Variants in RPAP2 observed in about 807,000 individuals in gnomAD.
RPAP2 encodes putative RNA polymerase II subunit B1 CTD phosphatase RPAP2.
A neutral mutation model predicts 73.1 loss-of-function variants in RPAP2; 52 were observed. The ratio of observed to expected loss-of-function variants is 0.71; its 90% CI spans 0.57 to 0.90. The LOEUF (loss-of-function observed/expected upper bound fraction) is 0.90. RPAP2 is among the 40% of genes least tolerant of loss of function. RPAP2 has a pLI of 0.00. For missense variants in RPAP2, 598 were observed against 701.8 expected, an observed-to-expected ratio of 0.85 and a Z score of 1.67; for synonymous variants, 225 against 242.1, an observed-to-expected ratio of 0.93 and a Z score of 0.65.
intron 9 of RPAP2, 58 bp downstream of exon 9, chr1:92,333,531 A>T (rs1653098878): frequency 1.7e-6 from 2 of 1,157,232 alleles, no homozygotes; most frequent in Non-Finnish European, 2.6e-6. Context: ...TTGACATTTA[A>T]GCTCATAATG....
At chr1:92,308,892 G>A (rs865909598) in intron 6 of RPAP2, among the ~76,000 whole-genome samples, 1 of 152,000 alleles carries the variant, frequency 6.6e-6, no homozygotes, top group Admixed American at 6.6e-5. Context: ...CCTGGGAGGC[G>A]GAGGTTGCAG....
intron 6 of RPAP2, among the ~76,000 whole-genome samples, chr1:92,312,470 C>G (rs1418103824): frequency 6.6e-6 from 1 of 151,926 alleles, no homozygotes; most frequent in African/African-American, 2.4e-5. Flanking sequence ...TGCTGCTTAT[C>G]AGCTAAGTTT....
intron 7 of RPAP2, among the ~76,000 whole-genome samples, chr1:92,322,279 G>T (rs1261343257): frequency 6.6e-6 from 1 of 150,706 alleles, no homozygotes; most frequent in African/African-American, 2.4e-5. Context: ...TTTTAAAAAG[G>T]TCAGCCAGTA....
rs1433205940 is a variant in RPAP2 at position 92,380,759 on chromosome 1, A to C, written c.1724A>C (p.Gln575Pro). The C allele has an allele frequency of 1.0e-5, 16 of 1,589,546 alleles. No homozygotes were observed. Among genetic ancestry groups the C allele is most frequent in the Non-Finnish European group, 1.4e-5 (16 of 1,172,906 alleles). The change falls in exon 12 of 13, where the codon CAG becomes CCG. Residue 575 changes from glutamine (Q) to proline (P), a missense_variant. By Grantham distance (76) the Gln-to-Pro change is moderately conservative. Transcript: ENST00000610020. The stretch of plus-strand genomic sequence containing the variant: ...ATTCTTGGCATTCAGAAACATTCTC[A>C]GGAAGGTATGGTGTTTACACGGTTT... ...TPILGIQKHSQEGMVFTRFLD... is the reference protein window; with the variant it reads ...TPILGIQKHSPEGMVFTRFLD...
At chr1:92,315,539 C>T (rs1317389418) in intron 6 of RPAP2, among the ~76,000 whole-genome samples, 2 of 152,134 alleles carry the variant, frequency 1.3e-5, no homozygotes, top group Non-Finnish European at 2.9e-5. Flanking sequence ...AAGGAAAGCA[C>T]AGTTAAACAA....
chr1:92,324,161 C>G lies in RPAP2; in HGVS notation c.1241C>G (p.Ser414Ter). 15 of 1,614,122 alleles carry G rather than the reference C, an allele frequency of 9.3e-6. No individual in the cohort carries two copies. Among genetic ancestry groups the G allele is most frequent in the Non-Finnish European group, 1.2e-5 (14 of 1,180,004 alleles). ...GAACTTGATGAAGATGACATAATCT[C>G]AGATCCAGATAGTCATTTCCCTGCC... ...KEELDEDDII[S>*]DPDSHFPAWR... Residue 414 changes from serine (S) to a stop codon, truncating the protein, a stop_gained, in exon 8 of 13, where the codon TCA becomes TGA. Coordinates refer to ENST00000610020, the MANE Select transcript of RPAP2 (RefSeq NM_024813.3). LOFTEE classifies it high-confidence loss of function.
intron 12 of RPAP2, among the ~76,000 whole-genome samples, 160 bp from the exon 13 acceptor site, chr1:92,386,851 C>A (rs1655882256): frequency 6.6e-6 from 1 of 152,078 alleles, no homozygotes. Context: ...CAGGTGCATG[C>A]CACCATGCCT....
intron 11 of RPAP2, among the ~76,000 whole-genome samples, chr1:92,364,940 C>T (rs1371836234): frequency 6.6e-6 from 1 of 152,180 alleles, no homozygotes; most frequent in Non-Finnish European, 1.5e-5. Flanking sequence ...AAATTCAAGG[C>T]CCTTCAGAAG....
chr1:92,336,482 C>A, intron 10 of RPAP2, 55 bp downstream of exon 10: 2 of 1,197,374 alleles, frequency 1.7e-6, no homozygotes, highest in Admixed American at 1.8e-5. Context: ...TATTTATTGC[C>A]TTGCAGAATC....
rs1656183636 is a variant in RPAP2, at chr1:92,396,395, G to C, written c.*9384G>C. On this transcript the variant is annotated 3_prime_UTR_variant, in exon 13 of 13. Transcript: ENST00000610020. Reference sequence around the variant, plus strand: ...CTTTAAATGATATATGTATACAATGGAGTAGTGATATAGGCTACAATATGG... The same window carrying C: ...CTTTAAATGATATATGTATACAATGCAGTAGTGATATAGGCTACAATATGG... 6.6e-6 allele frequency: 1 copy of C among 151,704 alleles called. No homozygotes were observed. Among genetic ancestry groups the C allele is most frequent in the South Asian group, 2.1e-4 (1 of 4,796 alleles). 9.4% of individuals were successfully genotyped at this position (151,704 alleles called of 1,614,324 possible).
In RPAP2 at chr1:92,400,870, C is replaced by T. The variant is rs1430890826; in HGVS notation, c.*13859C>T. 6.6e-6 allele frequency: 1 copy of T among 152,214 alleles called. No homozygotes were observed. The highest frequency in any genetic ancestry group is 1.5e-5 in the Non-Finnish European group (1 of 68,070). 9.4% of individuals were successfully genotyped at this position (152,214 alleles called of 1,614,324 possible). A position where few individuals can be genotyped will look rare whatever the true frequency, so the allele number is the denominator to read the frequency against. ...CATTGCTATAAGGAAATACCCCAGA[C>T]TGGGTAATTTATAAAGGAAAGAGTT... On this transcript the variant is annotated 3_prime_UTR_variant, in exon 13 of 13. Coordinates refer to ENST00000610020, the MANE Select transcript of RPAP2 (RefSeq NM_024813.3).
chr1:92,364,877 C>A (rs923599761), intron 11 of RPAP2, among the ~76,000 whole-genome samples: 7 of 152,136 alleles, frequency 4.6e-5, no homozygotes, highest in Admixed American at 1.3e-4. Flanking sequence ...TCAAGGCAGG[C>A]CTTTGTTCAG....
In RPAP2 at chr1:92,301,513, G is replaced by T. The variant is rs1650856800; in HGVS notation, c.157G>T (p.Glu53Ter). 1.9e-6 allele frequency: 3 copies of T among 1,595,512 alleles called. No individual in the cohort carries two copies. The highest frequency in any genetic ancestry group is 1.7e-4 in the Middle Eastern group (1 of 6,026). The change falls in exon 3 of 13, where the codon GAA (glutamate) becomes TAA (stop). Residue 53 changes from glutamate to a stop codon, truncating the protein, a stop_gained. Coordinates refer to ENST00000610020, the MANE Select transcript of RPAP2 (RefSeq NM_024813.3). LOFTEE classifies it high-confidence loss of function. ...ELEAAVRKKI[E>*]FERKALHIVE... ...AGAAGCAGCTGTGAGAAAGAAGATT[G>T]AATTTGAGAGAAAAGCTCTACATAT...
chr1:92,372,765 C>T lies in RPAP2; in HGVS notation c.1689-7959C>T, dbSNP rs116312855. On this transcript the variant is annotated intron_variant, in intron 11 of 12. Transcript: ENST00000610020. ...ACTAAAAAAATTTTTTTAAAGTAGC[C>T]GGGTATGGTGGCACATGCCTGTAGT... is the stretch of plus-strand genomic sequence containing the variant. 1.4e-4 allele frequency among the ~76,000 whole-genome samples: 22 copies of T among 152,024 alleles called. 1 individual carries two copies. Among genetic ancestry groups the T allele is most frequent in the African/African-American group, 4.1e-4 (17 of 41,478 alleles).
At chr1:92,366,481 T>C (rs982043557) in intron 11 of RPAP2, among the ~76,000 whole-genome samples, 5 of 152,262 alleles carry the variant, frequency 3.3e-5, no homozygotes, top group African/African-American at 1.2e-4. Context: ...AAACAAAAAC[T>C]CTTCAACAGG....
chr1:92,333,875 C>T (rs1384395995), intron 9 of RPAP2, among the ~76,000 whole-genome samples: 1 of 152,216 alleles, frequency 6.6e-6, no homozygotes, highest in Admixed American at 6.5e-5. Flanking sequence ...AGTCACTCTG[C>T]ATGCATATCC....
intron 11 of RPAP2, among the ~76,000 whole-genome samples, chr1:92,372,884 C>T (rs1655210972): frequency 6.6e-6 from 1 of 152,222 alleles, no homozygotes; most frequent in Admixed American, 6.5e-5. Flanking sequence ...CACTGCACTA[C>T]AGCCAGAGTG....
chr1:92,336,051 C>T (rs536934618), intron 9 of RPAP2, among the ~76,000 whole-genome samples: 1 of 152,086 alleles, frequency 6.6e-6, no homozygotes, highest in Non-Finnish European at 1.5e-5. Flanking sequence ...CCATCTTGGT[C>T]TAATATTTGA....
At chr1:92,325,492 AT>A (rs1290335237) in intron 8 of RPAP2, among the ~76,000 whole-genome samples, 1 of 152,160 alleles carries the variant, frequency 6.6e-6, no homozygotes, top group Non-Finnish European at 1.5e-5. Context: ...CACTTATTTT[AT>A]CATTTTGTCC....
Sources: allele counts gnomAD v4.1 joint callset (sites outside exome capture counted in the v4.1 genomes callset), GRCh38; gene constraint gnomAD v4.1.1; transcripts MANE v1.5; gene names NCBI Gene and HGNC (gene_info 2026-07-23, HGNC 2026-07-21).